The following SCN11A variants were observed in gnomAD, a reference collection of about 807,000 sequenced individuals.
SCN11A encodes the protein sodium voltage-gated channel alpha subunit 11.
SCN11A carries 122 observed loss-of-function variants against 162.2 expected under a neutral mutation model. The observed-to-expected ratio is 0.75, with a 90% CI of 0.65 to 0.87. The LOEUF is 0.87. SCN11A is among the 40% of genes least tolerant of loss of function. The pLI is 0.00. For synonymous variants in SCN11A, 758 were observed against 751.5 expected (o/e 1.01, Z -0.14); for missense variants, 2,015 against 2,181.6 (o/e 0.92, Z 1.52).
intron 2 of SCN11A, among the ~76,000 whole-genome samples, chr3:39,030,793 C>A (rs2031728861): frequency 6.6e-6 from 1 of 152,246 alleles, no homozygotes; most frequent in South Asian, 2.1e-4. Flanking sequence ...CCACTTAGTA[C>A]TTTACAAACA....
At chr3:39,046,446 T>G (rs2032183665) in intron 1 of SCN11A, among the ~76,000 whole-genome samples, 1 of 152,144 alleles carries the variant, frequency 6.6e-6, no homozygotes, top group Non-Finnish European at 1.5e-5. Flanking sequence ...CTACCCAAAG[T>G]GATCTACAGA....
chr3:38,947,079 C>G (rs536006796), intron 5 of SCN11A, among the ~76,000 whole-genome samples, 172 bp from the exon 6 acceptor site: 1 of 152,164 alleles, frequency 6.6e-6, no homozygotes, highest in East Asian at 1.9e-4. Flanking sequence ...AGATGGAAAA[C>G]ACAGGACCTG....
At chr3:39,042,514 C>A (rs1445963192) in intron 1 of SCN11A, among the ~76,000 whole-genome samples, 1 of 151,886 alleles carries the variant, frequency 6.6e-6, no homozygotes, top group Admixed American at 6.6e-5. Context: ...TTCCGCACAG[C>A]AAAGGAAAAA....
intron 3 of SCN11A, among the ~76,000 whole-genome samples, chr3:38,957,918 C>A (rs747683108): frequency 6.6e-6 from 1 of 152,146 alleles, no homozygotes; most frequent in Non-Finnish European, 1.5e-5. Context: ...ACGTCTGCAC[C>A]AGAGGCAATT....
intron 2 of SCN11A, among the ~76,000 whole-genome samples, chr3:39,007,381 T>A (rs2031008711): frequency 1.3e-5 from 2 of 152,160 alleles, no homozygotes; most frequent in African/African-American, 4.8e-5. Context: ...GTTCCTGACA[T>A]AAGAGCCTCT....
chr3:38,895,259 C>A (rs959655170), intron 18 of SCN11A, among the ~76,000 whole-genome samples: 1 of 152,108 alleles, frequency 6.6e-6, no homozygotes. Context: ...AATGGGATAA[C>A]CATATGGCAA....
chr3:38,951,130 C>T (rs2125578050), intron 4 of SCN11A, among the ~76,000 whole-genome samples: 1 of 152,370 alleles, frequency 6.6e-6, no homozygotes, highest in South Asian at 2.1e-4. Context: ...CCGGCTCCCT[C>T]AGCTTGCAGG....
At chr3:38,863,408 T>C (rs1394175929) in intron 27 of SCN11A, 109 bp from the exon 28 acceptor site, 1 of 624,446 alleles carries the variant, frequency 1.6e-6, no homozygotes, top group Admixed American at 3.0e-5. Context: ...TTAACAATTC[T>C]TAAAATTTCA....
chr3:38,968,707 C>T (rs1315565427), intron 2 of SCN11A, among the ~76,000 whole-genome samples: 2 of 152,146 alleles, frequency 1.3e-5, no homozygotes, highest in South Asian at 2.1e-4. Flanking sequence ...CACATACACA[C>T]GTCAGAATCA....
intron 2 of SCN11A, among the ~76,000 whole-genome samples, chr3:39,013,993 T>C (rs1225306984): frequency 3.3e-5 from 5 of 152,370 alleles, no homozygotes; most frequent in Non-Finnish European, 5.9e-5. Flanking sequence ...CATGAAACCA[T>C]AGTTGATACT....
rs539575996 is a variant in SCN11A at position 38,930,195 on chromosome 3, T to TA, written c.489-3265dup. 2.5e-4 allele frequency among the ~76,000 whole-genome samples: 38 copies of TA among 152,244 alleles called. 1 individual carries two copies. In the East Asian group the frequency reaches 7.3e-3, roughly 29 times the overall value. ...AGTAAAAGAAGTGGACCTTTTCTGG[T>TA]AAACTATCCAGTCATAATAGCCCTG... is the stretch of plus-strand genomic sequence containing the variant. On this transcript the variant is annotated intron_variant, in intron 7 of 29. Coordinates refer to ENST00000302328, the MANE Select transcript of SCN11A (RefSeq NM_001349253.2).
At position 38,950,300 on chromosome 3, in the gene SCN11A, G is replaced by T; in HGVS notation, c.63C>A (p.Ser21=). 1 of 1,614,002 alleles carries T rather than the reference G, an allele frequency of 6.2e-7. No individual in the cohort carries two copies. Among genetic ancestry groups the T allele is most frequent in the Non-Finnish European group, 8.5e-7 (1 of 1,179,998 alleles). The part of the protein sequence containing the change: ...PDERNFRPFT[S]DSLAAIEKRI... The stretch of plus-strand genomic sequence containing the variant: ...GCTTCTCAATTGCAGCCAGAGAGTC[G>T]GAAGTGAAGGGGCGGAAATTCCGCT... The change falls in exon 5 of 30, where the codon TCC becomes TCA. Residue 21 remains serine (S), a synonymous_variant. Transcript: ENST00000302328.
chr3:38,902,105 T>C (rs2065710339), intron 16 of SCN11A, among the ~76,000 whole-genome samples: 1 of 152,198 alleles, frequency 6.6e-6, no homozygotes, highest in Admixed American at 6.5e-5. Flanking sequence ...ACTCTGGGTT[T>C]TTGAGTATTC....
chr3:39,042,095 C>T (rs1364245181), intron 1 of SCN11A, among the ~76,000 whole-genome samples: 1 of 151,956 alleles, frequency 6.6e-6, no homozygotes, highest in East Asian at 1.9e-4. Context: ...ATGGTGAAAC[C>T]CTGTCCCCAC....
chr3:38,942,818 C>A (rs1485565722), intron 7 of SCN11A, among the ~76,000 whole-genome samples: 1 of 151,960 alleles, frequency 6.6e-6, no homozygotes, highest in African/African-American at 2.4e-5. Context: ...AAAATCAAAG[C>A]AAATTGAATG....
At chr3:38,885,988 C>A (rs972609753) in intron 20 of SCN11A, 137 bp downstream of exon 20, 1 of 565,196 alleles carries the variant, frequency 1.8e-6, no homozygotes, top group Non-Finnish European at 3.2e-6. Context: ...GTTGAGAAAC[C>A]TGGCCTAGAC....
intron 9 of SCN11A, among the ~76,000 whole-genome samples, chr3:38,925,078 CT>C (rs1213510767): frequency 6.6e-6 from 1 of 152,052 alleles, no homozygotes; most frequent in Non-Finnish European, 1.5e-5. Flanking sequence ...ATGGTGTCTA[CT>C]TTTTCTTTAT....
At position 38,847,541 on chromosome 3, in the gene SCN11A, A is replaced by G. The variant is rs1378380637; in HGVS notation, c.4529T>C (p.Ile1510Thr). Residue 1510 changes from isoleucine (I) to threonine (T), a missense_variant, in exon 30 of 30, where the codon ATC (isoleucine) becomes ACC (threonine). Coordinates refer to ENST00000302328, the MANE Select transcript of SCN11A (RefSeq NM_001349253.2). ...IGLLLFLIMFIYAILGMNWFS... is the reference protein window; with the variant it reads ...IGLLLFLIMFTYAILGMNWFS... ...CCAGTTCATACCCAGAATGGCATAG[A>G]TAAACATAATCAGAAAGAGTAGAAG... 4 of 1,614,198 alleles carry G rather than the reference A, an allele frequency of 2.5e-6. No individual in the cohort carries two copies. The highest frequency in any genetic ancestry group is 1.1e-5 in the South Asian group (1 of 91,084).
intron 2 of SCN11A, among the ~76,000 whole-genome samples, chr3:38,972,788 GAA>G (rs920223206): frequency 2.0e-5 from 3 of 147,730 alleles, no homozygotes; most frequent in African/African-American, 7.4e-5. Context: ...GGGCTGCATA[GAA>G]AAAAAAAAGT....
Sources: allele counts gnomAD v4.1 joint callset (sites outside exome capture counted in the v4.1 genomes callset), GRCh38; gene constraint gnomAD v4.1.1; transcripts MANE v1.5; gene names NCBI Gene and HGNC (gene_info 2026-07-23, HGNC 2026-07-21).